The following CFLAR variants were observed in gnomAD, a reference collection of about 807,000 sequenced individuals.
The protein encoded by CFLAR is CASP8 and FADD-like apoptosis regulator.
In CFLAR, 14 loss-of-function variants were observed where a neutral mutation model predicts 51.1. The ratio of observed to expected loss-of-function variants is 0.27; its 90% confidence interval spans 0.18 to 0.43. The LOEUF (loss-of-function observed/expected upper bound fraction) is 0.43, where lower values mean the gene tolerates loss of function less well. CFLAR is among the 20% of genes least tolerant of loss of function. The pLI is 1.00. For missense variants in CFLAR, 390 were observed against 566.5 expected (o/e 0.69, Z 3.16); for synonymous variants, 210 against 211.6 (o/e 0.99, Z 0.06).
At chr2:201,162,746 A>G in intron 9 of CFLAR, 1 of 372,290 alleles carries the variant, frequency 2.7e-6, no homozygotes, top group South Asian at 2.4e-5. Flanking sequence ...CACCCAAAAG[A>G]CACTCACAGC....
intron 7 of CFLAR, 183 bp downstream of exon 7, chr2:201,149,235 G>T (rs1940831502): frequency 3.9e-6 from 2 of 507,814 alleles, no homozygotes; most frequent in Non-Finnish European, 7.1e-6. Flanking sequence ...AAAGTGGATT[G>T]CATTAGTGAA....
chr2:201,129,663 A>G (rs770235559), intron 1 of CFLAR, 66 bp from the exon 2 acceptor site: 55 of 556,326 alleles, frequency 9.9e-5, no homozygotes, highest in Non-Finnish European at 1.5e-4. Context: ...GAAAGAGCCC[A>G]TACTTTCAAT....
chr2:201,162,800 A>C, intron 9 of CFLAR: 2 of 490,928 alleles, frequency 4.1e-6, no homozygotes, highest in East Asian at 7.3e-5. Flanking sequence ...TTAACAGTAG[A>C]TCACAAACAT....
At chr2:201,131,855 T>C (rs369623901) in intron 2 of CFLAR, among the ~76,000 whole-genome samples, 1 of 151,764 alleles carries the variant, frequency 6.6e-6, no homozygotes, top group Non-Finnish European at 1.5e-5. Flanking sequence ...ACTAACCTTG[T>C]TGGGCCTCTG....
chr2:201,130,172 TG>T, intron 2 of CFLAR, 26 bp downstream of exon 2: 4 of 78,054 alleles, frequency 5.1e-5, no homozygotes, highest in East Asian at 2.4e-4. Context: ...TTCCTGAGGC[TG>T]GGTGGGTGGG....
intron 5 of CFLAR, chr2:201,144,027 C>G (rs1389670317): frequency 6.6e-6 from 1 of 152,134 alleles, no homozygotes; most frequent in Non-Finnish European, 1.5e-5. Flanking sequence ...GATATGTTAC[C>G]TCTCTCTAAT....
chr2:201,170,180 A>G lies in CFLAR; in HGVS notation c.*6207A>G, dbSNP rs534412958. 2 of 152,360 alleles carry G rather than the reference A, an allele frequency of 1.3e-5. No individual in the cohort carries two copies. The highest frequency in any genetic ancestry group is 1.9e-4 in the East Asian group (1 of 5,194). The allele number at this position is 152,360 out of a possible 1,614,324, so 9.4% of individuals were successfully genotyped here. On this transcript the variant is annotated 3_prime_UTR_variant, in exon 10 of 10. Coordinates refer to ENST00000309955, the MANE Select transcript of CFLAR (RefSeq NM_003879.7). ...TTTTGTTCATTGCAGCACTCTTCACAATAGCAAAGACACAATAGCAAATGC... is the reference window on the plus strand; with the variant it reads ...TTTTGTTCATTGCAGCACTCTTCACGATAGCAAAGACACAATAGCAAATGC...
At chr2:201,156,527 G>A (rs1411863216) in intron 8 of CFLAR, among the ~76,000 whole-genome samples, 1 of 152,114 alleles carries the variant, frequency 6.6e-6, no homozygotes. Flanking sequence ...CCTTTTCATA[G>A]AAATTGTCAA....
At chr2:201,151,044 C>T (rs556891399) in intron 8 of CFLAR, 5 of 152,262 alleles carry the variant, frequency 3.3e-5, no homozygotes, top group South Asian at 2.1e-4. Flanking sequence ...CCTAGATAGA[C>T]GACAAAAGCT....
chr2:201,141,173 A>T (rs1265070589), intron 5 of CFLAR, among the ~76,000 whole-genome samples: 3 of 152,156 alleles, frequency 2.0e-5, no homozygotes, highest in Non-Finnish European at 2.9e-5. Flanking sequence ...TGGAGGTTGC[A>T]GTAGCCAAAT....
Position 201,164,175 on chromosome 2 carries a change from G to C in CFLAR, c.*202G>C, listed in dbSNP as rs78196930. On this transcript the variant is annotated 3_prime_UTR_variant, in exon 10 of 10. Transcript: ENST00000309955. ...AGTTACTTGGGAGGCTGAGGTGGGA[G>C]GATCTTTTGAACCCAGGAGTTCAGG... 3,905 of 420,114 alleles carry C rather than the reference G, an allele frequency of 9.3e-3. 133 individuals carry two copies. Among genetic ancestry groups the C allele is most frequent in the African/African-American group, 0.07 (3,487 of 49,548 alleles). The allele number at this position is 420,114 out of a possible 1,614,324, so 26.0% of individuals were successfully genotyped here.
intron 2 of CFLAR, 22 bp downstream of exon 2, chr2:201,130,168 AGGCT>A: frequency 7.2e-6 from 1 of 138,500 alleles, no homozygotes; most frequent in Non-Finnish European, 1.5e-5. Context: ...ACTCTTCCTG[AGGCT>A]GGGTGGGTGG....
chr2:201,155,148 T>C (rs1467521829), intron 8 of CFLAR, among the ~76,000 whole-genome samples: 1 of 152,214 alleles, frequency 6.6e-6, no homozygotes, highest in Non-Finnish European at 1.5e-5. Flanking sequence ...GTTAGGAATA[T>C]AGAAGCAAGC....
Position 201,167,751 on chromosome 2 carries a change from A to T in CFLAR, c.*3778A>T, listed in dbSNP as rs1576011634. 6.6e-6 allele frequency: 1 copy of T among 152,250 alleles called. No homozygotes were observed. The highest frequency in any genetic ancestry group is 6.5e-5 in the Admixed American group (1 of 15,274). The allele number at this position is 152,250 out of a possible 1,614,324, so 9.4% of individuals were successfully genotyped here. ...CTAGCTGCCATCTTGAACCATGAAG[A>T]TACGGGCCACACGTAGGGGTAGCTG... On this transcript the variant is annotated 3_prime_UTR_variant, in exon 10 of 10. Coordinates refer to ENST00000309955, the MANE Select transcript of CFLAR (RefSeq NM_003879.7).
At chr2:201,153,903 CTTTT>C (rs747813572) in intron 8 of CFLAR, among the ~76,000 whole-genome samples, 23 of 103,020 alleles carry the variant, frequency 2.2e-4, no homozygotes, top group African/African-American at 7.1e-4. Flanking sequence ...TCTTTTCTTT[CTTTT>C]TTTTTTTTTT....
In CFLAR at chr2:201,143,303, T is replaced by C. The variant is rs567478398; in HGVS notation, c.607-2075T>C. 2.0e-5 allele frequency: 3 copies of C among 151,786 alleles called. No homozygotes were observed. In the East Asian group the frequency reaches 5.9e-4, roughly 30 times the overall value. The allele number at this position is 151,786 out of a possible 1,614,324, so 9.4% of individuals were successfully genotyped here. A position where few individuals can be genotyped will look rare whatever the true frequency, so the allele number is the denominator to read the frequency against. On this transcript the variant is annotated intron_variant, in intron 5 of 9. Transcript: ENST00000309955. ...TTGAGACCAACATGGAGAAACCCTG[T>C]CTCTACTAAAAATACAAAATTTTCC... is the stretch of plus-strand genomic sequence containing the variant.
At chr2:201,132,955 G>A in intron 2 of CFLAR, 74 bp from the exon 3 acceptor site, 1 of 1,526,562 alleles carries the variant, frequency 6.6e-7, no homozygotes, top group Non-Finnish European at 9.0e-7. Flanking sequence ...TTGTTGCATA[G>A]GGGAGGCGTG....
chr2:201,163,892 C>T lies in CFLAR; in HGVS notation c.1362C>T (p.Asn454=), dbSNP rs1448492548. 1 of 1,614,116 alleles carries T rather than the reference C, an allele frequency of 6.2e-7. No homozygotes were observed. The highest frequency in any genetic ancestry group is 1.6e-4 in the Middle Eastern group (1 of 6,062). ...TCAATGGCTACATGTATGATTGGAA[C>T]AGCAGAGTTTCTGCCAAGGAGAAAT... is the stretch of plus-strand genomic sequence containing the variant. The part of the protein sequence containing the change: ...IELNGYMYDW[N]SRVSAKEKYY... Residue 454 remains asparagine (N), a synonymous_variant, in exon 10 of 10, where the codon AAC becomes AAT. Transcript: ENST00000309955.
intron 8 of CFLAR, among the ~76,000 whole-genome samples, chr2:201,154,811 C>T (rs374942918): frequency 2.0e-5 from 3 of 152,236 alleles, no homozygotes; most frequent in Non-Finnish European, 4.4e-5. Context: ...AGTAAATGTT[C>T]GTTGAGGGCC....
Sources: allele counts gnomAD v4.1 joint callset (sites outside exome capture counted in the v4.1 genomes callset), GRCh38; gene constraint gnomAD v4.1.1; transcripts MANE v1.5; gene names NCBI Gene and HGNC (gene_info 2026-07-23, HGNC 2026-07-21).